MARK4: variants seen among roughly 807,000 people sequenced by gnomAD.
MARK4 encodes the protein MAP/microtubule affinity-regulating kinase 4.
Under a neutral mutation model 81.5 loss-of-function variants are expected in MARK4, and 19 were observed. The observed-to-expected ratio is 0.23, with a 90% CI of 0.16 to 0.34. MARK4 has a LOEUF of 0.34. MARK4 is among the 10% of genes least tolerant of loss of function. The probability of loss-of-function intolerance (pLI) is 1.00; values close to 1 mark genes in which losing one functional copy is unlikely to be tolerated. For missense variants in MARK4, 772 were observed against 1,058.8 expected, an observed-to-expected ratio of 0.73 and a Z score of 3.76; for synonymous variants, 436 against 439.0, an observed-to-expected ratio of 0.99 and a Z score of 0.08.
At chr19:45,259,905 G>A (rs1287358122) in intron 2 of MARK4, among the ~76,000 whole-genome samples, 3 of 152,132 alleles carry the variant, frequency 2.0e-5, no homozygotes, top group Non-Finnish European at 4.4e-5. Context: ...TGACCAACAT[G>A]ATGAAACCCT....
chr19:45,287,726 C>G, intron 13 of MARK4, 62 bp downstream of exon 13: 1 of 1,530,980 alleles, frequency 6.5e-7, no homozygotes, highest in Non-Finnish European at 8.9e-7. Flanking sequence ...TCCTCAGGCC[C>G]TGCCTTCATC....
intron 12 of MARK4, among the ~76,000 whole-genome samples, chr19:45,282,773 G>A (rs571307418): frequency 1.1e-4 from 17 of 152,136 alleles, no homozygotes; most frequent in African/African-American, 2.6e-4. Context: ...GCAGTGAGCC[G>A]AGATCACGCC....
At chr19:45,256,662 T>C (rs936638945) in intron 1 of MARK4, among the ~76,000 whole-genome samples, 1 of 152,084 alleles carries the variant, frequency 6.6e-6, no homozygotes, top group Non-Finnish European at 1.5e-5. Context: ...TCAGCGTTGA[T>C]TGGGGTTGAG....
At chr19:45,256,753 T>A (rs1970312372) in intron 1 of MARK4, among the ~76,000 whole-genome samples, 1 of 152,184 alleles carries the variant, frequency 6.6e-6, no homozygotes, top group South Asian at 2.1e-4. Context: ...GCACTTTGCC[T>A]TATTGAGCTT....
chr19:45,278,475 T>G, intron 9 of MARK4, 41 bp from the exon 10 acceptor site: 1 of 1,559,570 alleles, frequency 6.4e-7, no homozygotes, highest in Non-Finnish European at 8.8e-7. Context: ...TGGTTCCTTC[T>G]GACACCTGTC....
chr19:45,296,659 G>A (rs1970891575), intron 14 of MARK4, among the ~76,000 whole-genome samples: 1 of 152,254 alleles, frequency 6.6e-6, no homozygotes, highest in Admixed American at 6.5e-5. Context: ...GAACGAAACA[G>A]GGAGGATGGA....
chr19:45,283,824 T>C (rs441728), intron 12 of MARK4, among the ~76,000 whole-genome samples: 105,128 of 151,912 alleles, frequency 0.69, 37,616 homozygotes, highest in African/African-American at 0.81. Flanking sequence ...ATCTGGTAAC[T>C]GTGTGTTTAA....
Position 45,271,498 on chromosome 19 carries a change from G to A in MARK4, c.576G>A (p.Glu192=), listed in dbSNP as rs1970526379. ...LKAENLLLDA[E]ANIKIADFGF... ...CTGAGAACCTCTTGCTGGATGCCGA[G>A]GCCAACATCAAGATTGCTGACTTTG... Residue 192 remains glutamate (E), a synonymous_variant, in exon 8 of 17, where the codon GAG becomes GAA. Coordinates refer to ENST00000262891, the MANE Select transcript of MARK4 (RefSeq NM_001199867.2). This position sits in a 1 kb window ranked among gnomAD's most constrained non-coding sequence, Gnocchi z 4.1. The A allele has an allele frequency of 1.2e-6, 2 of 1,614,188 alleles. No individual in the cohort carries two copies. The highest frequency in any genetic ancestry group is 1.7e-6 in the Non-Finnish European group (2 of 1,180,032).
rs541962038 is a variant in MARK4 at position 45,283,609 on chromosome 19, C to T, written c.1276+2875C>T. On this transcript the variant is annotated intron_variant, in intron 12 of 16. Transcript: ENST00000262891. ...GGTTCATCCATGATATGGGTATCAGCACTTCATTCCTTTTCATTGGCAAGT... is the reference window on the plus strand; with the variant it reads ...GGTTCATCCATGATATGGGTATCAGTACTTCATTCCTTTTCATTGGCAAGT... 1.2e-4 allele frequency among the ~76,000 whole-genome samples: 19 copies of T among 152,268 alleles called. No homozygotes were observed. The South Asian group carries it at 3.9e-3, about 32-fold the overall frequency.
chr19:45,263,480 T>C (rs1048078776), intron 4 of MARK4, 113 bp downstream of exon 4: 79 of 1,325,548 alleles, frequency 6.0e-5, no homozygotes, highest in Non-Finnish European at 7.9e-5. Flanking sequence ...AGTGGCTCAC[T>C]CCTGTAATCC....
rs905424142 is a variant in MARK4, at chr19:45,280,798, G to A, written c.1276+64G>A. The A allele has an allele frequency of 2.3e-5, 37 of 1,586,510 alleles. 1 individual carries two copies. In the East Asian group the frequency reaches 3.6e-4, roughly 15 times the overall value. On this transcript the variant is annotated intron_variant, in intron 12 of 16. Transcript: ENST00000262891. ...CCCCAAGGCCCAGACTTACAGTTAC[G>A]TCAGGGTTCTCTGATTGGCAAGCAA... is the stretch of plus-strand genomic sequence containing the variant.
Position 45,251,422 on chromosome 19 carries a change from C to T in MARK4, c.-167C>T. ...GCCACTAGGACCCTCGGCGTCCCTTCCCCTCCCCCGCCCTGCCCCCTCTCC... is the reference window on the plus strand; with the variant it reads ...GCCACTAGGACCCTCGGCGTCCCTTTCCCTCCCCCGCCCTGCCCCCTCTCC... On this transcript the variant is annotated 5_prime_UTR_variant, in exon 1 of 17. Coordinates refer to ENST00000262891, the MANE Select transcript of MARK4 (RefSeq NM_001199867.2). The T allele has an allele frequency of 3.1e-6, 1 of 320,598 alleles. No homozygotes were observed. 19.9% of individuals were successfully genotyped at this position (320,598 alleles called of 1,614,324 possible). A position where few individuals can be genotyped will look rare whatever the true frequency, so the allele number is the denominator to read the frequency against.
At chr19:45,279,198 C>T (rs948113237) in intron 10 of MARK4, among the ~76,000 whole-genome samples, 3 of 151,968 alleles carry the variant, frequency 2.0e-5, no homozygotes, top group South Asian at 2.1e-4. Context: ...GCACTCCAGG[C>T]GACAGGGTGA....
In MARK4 at chr19:45,251,616, G is replaced by A. The variant is rs758622248; in HGVS notation, c.28G>A (p.Gly10Ser). 2.6e-5 allele frequency: 35 copies of A among 1,354,034 alleles called. No homozygotes were observed. In the South Asian group the frequency reaches 4.5e-4, roughly 17 times the overall value. 83.9% of individuals were successfully genotyped at this position (1,354,034 alleles called of 1,614,324 possible). The change falls in exon 1 of 17, where the codon GGC (glycine) becomes AGC (serine). Residue 10 changes from glycine (G) to serine (S), a missense_variant. By Grantham distance (56) the Gly-to-Ser change is moderately conservative. This residue lies in a region of MARK4 where 115 missense variants were observed against 139.8 expected (regional missense o/e 0.82). Transcript: ENST00000262891. ...GTCTTCGCGGACGGTGCTGGCCCCG[G>A]GCAACGATCGGAACTCGGACACGGT... Reference protein sequence around the residue: MSSRTVLAPGNDRNSDTHGT... With the variant: MSSRTVLAPSNDRNSDTHGT...
chr19:45,265,546 C>G (rs1305309247), intron 6 of MARK4, among the ~76,000 whole-genome samples: 1 of 142,630 alleles, frequency 7.0e-6, no homozygotes, highest in South Asian at 2.3e-4. Flanking sequence ...TGAGGGTGCC[C>G]AGGTATGTGG....
intron 4 of MARK4, 85 bp downstream of exon 4, chr19:45,263,452 T>C: frequency 1.3e-6 from 2 of 1,565,912 alleles, no homozygotes; most frequent in Admixed American, 3.4e-5. Flanking sequence ...TTAGAATAGT[T>C]GGAGACCCAC....
At chr19:45,254,361 C>G (rs555233177) in intron 1 of MARK4, among the ~76,000 whole-genome samples, 2 of 152,350 alleles carry the variant, frequency 1.3e-5, no homozygotes, top group African/African-American at 4.8e-5. Context: ...CCACCTCCAG[C>G]TGGCTGCCCT....
chr19:45,297,966 G>A lies in MARK4; in HGVS notation c.1877+12G>A, dbSNP rs759288142. 34 of 1,551,524 alleles carry A rather than the reference G, an allele frequency of 2.2e-5. No individual in the cohort carries two copies. Among genetic ancestry groups the A allele is most frequent in the East Asian group, 4.9e-5 (2 of 40,950 alleles). ...AAACTGACCCGAAGGTGAGCTCCGC[G>A]GGGATGGCAGGGGCAGGGCGGGGCG... On this transcript the variant is annotated intron_variant, in intron 15 of 16. Transcript: ENST00000262891.
intron 16 of MARK4, among the ~76,000 whole-genome samples, chr19:45,301,969 T>G (rs751652593): frequency 3.3e-5 from 5 of 152,222 alleles, no homozygotes; most frequent in Non-Finnish European, 7.3e-5. Context: ...ATGCGGTCAT[T>G]CAGGTCCCCA....
Sources: gnomAD v4.1 joint callset for allele counts (sites outside exome capture counted in the v4.1 genomes callset) on GRCh38, gnomAD v4.1.1 for gene constraint, gnomAD v4.1.1 regional missense constraint, Gnocchi (gnomAD v3.1) non-coding constraint, MANE v1.5 for transcripts, NCBI Gene and HGNC (gene_info 2026-07-23, HGNC 2026-07-21) for gene names.